PCDH15: variants seen among roughly 807,000 people sequenced by gnomAD.
The protein encoded by PCDH15 is protocadherin-15.
Under a neutral mutation model 178.5 loss-of-function variants are expected in PCDH15, and 129 were observed. The ratio of observed to expected loss-of-function variants is 0.72; its 90% CI spans 0.63 to 0.84. The LOEUF (loss-of-function observed/expected upper bound fraction) is 0.84. PCDH15 is among the 40% of genes least tolerant of loss of function. The pLI, the probability that PCDH15 is intolerant of heterozygous loss-of-function variation, is 0.00. For missense variants in PCDH15, 2,230 were observed against 2,099.9 expected (o/e 1.06, Z -1.21); for synonymous variants, 800 against 732.0 (o/e 1.09, Z -1.50).
chr10:54,866,242 T>A (rs559078427), intron 3 of PCDH15, among the ~76,000 whole-genome samples: 1 of 152,312 alleles, frequency 6.6e-6, no homozygotes, highest in Non-Finnish European at 1.5e-5. Flanking sequence ...CTTTTTTTCA[T>A]CCTAACACCC....
intron 1 of PCDH15, among the ~76,000 whole-genome samples, chr10:55,293,660 AG>A (rs1843068193): frequency 6.6e-6 from 1 of 152,190 alleles, no homozygotes; most frequent in South Asian, 2.1e-4. Flanking sequence ...CTAGGGCAGA[AG>A]CAAATGCTGC....
chr10:55,179,229 C>T (rs975241287), intron 1 of PCDH15, among the ~76,000 whole-genome samples: 2 of 152,026 alleles, frequency 1.3e-5, no homozygotes, highest in African/African-American at 4.8e-5. Flanking sequence ...CAATTCCCCC[C>T]GTCGGCAGGA....
rs528490214 is a variant in PCDH15 at position 55,316,704 on chromosome 10, C to T, written c.-156+2895G>A. On this transcript the variant is annotated intron_variant, in intron 1 of 5. Transcript: ENST00000458638. ...TTTTTCTAAATTTTGTCACTCTTTTCGAACAGATAACTTCTAAGTATCAGT... is the reference window on the plus strand; with the variant it reads ...TTTTTCTAAATTTTGTCACTCTTTTTGAACAGATAACTTCTAAGTATCAGT... Among the ~76,000 whole-genome samples, 12 of 152,108 alleles carry T rather than the reference C, an allele frequency of 7.9e-5. No homozygotes were observed. In the South Asian group the frequency reaches 1.7e-3, roughly 21 times the overall value.
chr10:54,342,385 T>C (rs762057858), intron 6 of PCDH15, among the ~76,000 whole-genome samples: 11 of 152,210 alleles, frequency 7.2e-5, no homozygotes, highest in Non-Finnish European at 1.6e-4. Flanking sequence ...GCAAGCCCCA[T>C]GCCTTGGTGG....
At chr10:54,270,073 T>C (rs2057950155) in intron 8 of PCDH15, among the ~76,000 whole-genome samples, 1 of 152,082 alleles carries the variant, frequency 6.6e-6, no homozygotes, top group Non-Finnish European at 1.5e-5. Context: ...TAAAATAAAC[T>C]GCCTTATTGG....
chr10:55,602,002 C>A (rs998125981), intron 2 of PCDH15, among the ~76,000 whole-genome samples: 2 of 152,092 alleles, frequency 1.3e-5, no homozygotes, highest in African/African-American at 4.8e-5. Context: ...TAGGGAGTGC[C>A]AGACACGGCG....
intron 5 of PCDH15, among the ~76,000 whole-genome samples, chr10:54,347,154 T>C (rs1338668309): frequency 6.6e-6 from 1 of 152,154 alleles, no homozygotes; most frequent in African/African-American, 2.4e-5. Context: ...AATTCTTACT[T>C]ATGCCCACAA....
intron 2 of PCDH15, among the ~76,000 whole-genome samples, chr10:55,443,882 C>T (rs543204877): frequency 5.3e-5 from 8 of 152,194 alleles, no homozygotes; most frequent in African/African-American, 1.9e-4. Flanking sequence ...TTGGGACCAA[C>T]CAAAATGCCC....
chr10:54,844,928 A>C (rs1953479457), intron 3 of PCDH15, among the ~76,000 whole-genome samples: 1 of 151,968 alleles, frequency 6.6e-6, no homozygotes, highest in South Asian at 2.1e-4. Flanking sequence ...TTTAGCCTCA[A>C]AAAGCAGAAT....
intron 3 of PCDH15, among the ~76,000 whole-genome samples, chr10:54,830,334 CA>C (rs1416769930): frequency 1.3e-5 from 2 of 152,030 alleles, no homozygotes; most frequent in African/African-American, 4.8e-5. Context: ...GGAACCAACC[CA>C]AATGTCCAAC....
chr10:53,811,647 T>A, intron 35 of PCDH15, 28 bp from the exon 36 acceptor site: 2 of 1,449,212 alleles, frequency 1.4e-6, no homozygotes, highest in Non-Finnish European at 1.9e-6. Flanking sequence ...AAATTGCATT[T>A]GAAAACGAAT....
chr10:55,179,575 T>C (rs935556422), intron 1 of PCDH15, among the ~76,000 whole-genome samples: 2 of 145,284 alleles, frequency 1.4e-5, no homozygotes, highest in African/African-American at 5.1e-5. Flanking sequence ...CATAGAAACC[T>C]GGACTCAGCC....
At chr10:53,947,907 T>A (rs1188895902) in intron 23 of PCDH15, among the ~76,000 whole-genome samples, 1 of 152,186 alleles carries the variant, frequency 6.6e-6, no homozygotes, top group African/African-American at 2.4e-5. Context: ...TCTAAGGTGT[T>A]TGGTTTTTCC....
At chr10:53,888,994 G>A (rs2081371590) in intron 26 of PCDH15, among the ~76,000 whole-genome samples, 1 of 150,186 alleles carries the variant, frequency 6.7e-6, no homozygotes, top group African/African-American at 2.4e-5. Context: ...TTTAGAAAAT[G>A]ATGCTGGTCA....
At chr10:53,912,026 A>G (rs1050275592) in intron 25 of PCDH15, among the ~76,000 whole-genome samples, 11 of 152,330 alleles carry the variant, frequency 7.2e-5, no homozygotes, top group African/African-American at 2.6e-4. Flanking sequence ...TCCCTGATGA[A>G]CATCGATGTG....
intron 2 of PCDH15, among the ~76,000 whole-genome samples, chr10:55,561,512 A>G (rs1842199355): frequency 6.6e-6 from 1 of 151,948 alleles, no homozygotes; most frequent in Non-Finnish European, 1.5e-5. Context: ...TGTCTTAACT[A>G]TAGTCTTTGA....
chr10:54,111,451 C>T (rs10825237), intron 15 of PCDH15, among the ~76,000 whole-genome samples: 37,527 of 151,814 alleles, frequency 0.25, 5,888 homozygotes, highest in East Asian at 0.86. Context: ...AAAAATTCTC[C>T]AATTCAAACA....
At chr10:54,555,867 T>C (rs1246178644) in intron 2 of PCDH15, among the ~76,000 whole-genome samples, 1 of 152,014 alleles carries the variant, frequency 6.6e-6, no homozygotes, top group Non-Finnish European at 1.5e-5. Context: ...CAAACTCAAA[T>C]TGAAGATCTA....
intron 2 of PCDH15, among the ~76,000 whole-genome samples, chr10:55,369,809 A>C (rs1206171746): frequency 6.6e-6 from 1 of 152,046 alleles, no homozygotes; most frequent in East Asian, 1.9e-4. Flanking sequence ...AATTGTGTAC[A>C]ATTTTCAGAA....
Sources: gnomAD v4.1 joint callset for allele counts (sites outside exome capture counted in the v4.1 genomes callset) on GRCh38, gnomAD v4.1.1 for gene constraint, MANE v1.5 for transcripts, NCBI Gene and HGNC (gene_info 2026-07-23, HGNC 2026-07-21) for gene names.